Variants in DENND1B observed in about 807,000 individuals in gnomAD.
The protein encoded by DENND1B is DENN domain-containing protein 1B.
A neutral mutation model predicts 90.1 loss-of-function variants in DENND1B; 59 were observed. The ratio of observed to expected loss-of-function variants is 0.65; its 90% confidence interval spans 0.53 to 0.81. The LOEUF (loss-of-function observed/expected upper bound fraction) is 0.81, where lower values mean the gene tolerates loss of function less well. Among genes scored for constraint, DENND1B ranks in the 40% least tolerant of loss-of-function variants. The probability of loss-of-function intolerance (pLI) is 0.00; values close to 1 mark genes in which losing one functional copy is unlikely to be tolerated. For missense variants in DENND1B, 862 were observed against 912.6 expected (o/e 0.94, Z 0.71); for synonymous variants, 337 against 324.6 (o/e 1.04, Z -0.41).
intron 2 of DENND1B, among the ~76,000 whole-genome samples, chr1:197,757,770 G>C (rs1654498272): frequency 6.6e-6 from 1 of 152,142 alleles, no homozygotes; most frequent in Admixed American, 6.5e-5. Context: ...TACCAAGATA[G>C]CCTTGAATTT....
At chr1:197,582,009 C>T (rs1268360487) in intron 15 of DENND1B, among the ~76,000 whole-genome samples, 1 of 152,140 alleles carries the variant, frequency 6.6e-6, no homozygotes, top group Non-Finnish European at 1.5e-5. Flanking sequence ...TGAGTCTATG[C>T]TTGGAGACCT....
chr1:197,732,912 A>G (rs1394305268), intron 2 of DENND1B, among the ~76,000 whole-genome samples: 1 of 152,224 alleles, frequency 6.6e-6, no homozygotes, highest in Non-Finnish European at 1.5e-5. Context: ...GAGTTGTATA[A>G]TAACACTGCC....
chr1:197,736,838 G>C (rs182727230), intron 2 of DENND1B, among the ~76,000 whole-genome samples: 1 of 152,038 alleles, frequency 6.6e-6, no homozygotes, highest in South Asian at 2.1e-4. Context: ...TCAGATTTTT[G>C]TTATACCACT....
At chr1:197,625,356 T>C (rs987095063) in intron 10 of DENND1B, among the ~76,000 whole-genome samples, 1 of 152,116 alleles carries the variant, frequency 6.6e-6, no homozygotes, top group African/African-American at 2.4e-5. Flanking sequence ...TGGGGGCCAA[T>C]ATTCAACATT....
intron 5 of DENND1B, among the ~76,000 whole-genome samples, chr1:197,669,425 G>A (rs1383123105): frequency 2.0e-5 from 3 of 152,000 alleles, no homozygotes; most frequent in African/African-American, 4.8e-5. Context: ...CTTTCCAGGG[G>A]ATACACTGAT....
intron 5 of DENND1B, among the ~76,000 whole-genome samples, chr1:197,666,190 T>A (rs1187266531): frequency 1.3e-5 from 2 of 152,158 alleles, no homozygotes; most frequent in Admixed American, 1.3e-4. Flanking sequence ...AATGAACAAT[T>A]GTCAGATTAA....
At chr1:197,632,500 T>A (rs1026891526) in intron 10 of DENND1B, among the ~76,000 whole-genome samples, 1 of 152,180 alleles carries the variant, frequency 6.6e-6, no homozygotes, top group Admixed American at 6.5e-5. Context: ...TCTCCCATGT[T>A]AGAATTTTTA....
intron 2 of DENND1B, among the ~76,000 whole-genome samples, chr1:197,766,916 C>T (rs1343808464): frequency 6.6e-6 from 1 of 152,090 alleles, no homozygotes. Flanking sequence ...GCCTCAGCCT[C>T]TCAAGTAGTT....
chr1:197,536,350 T>C (rs1293013114), intron 20 of DENND1B, among the ~76,000 whole-genome samples: 3 of 152,202 alleles, frequency 2.0e-5, no homozygotes, highest in African/African-American at 4.8e-5. Flanking sequence ...TTTTATTTAA[T>C]TTGTGAGTTT....
intron 5 of DENND1B, among the ~76,000 whole-genome samples, chr1:197,661,390 T>C (rs567213070): frequency 1.3e-5 from 2 of 152,186 alleles, no homozygotes; most frequent in Non-Finnish European, 2.9e-5. Context: ...TCATTTGTAG[T>C]CATTTCAAAC....
At chr1:197,579,863 C>T (rs1386210419) in intron 15 of DENND1B, among the ~76,000 whole-genome samples, 1 of 152,066 alleles carries the variant, frequency 6.6e-6, no homozygotes. Flanking sequence ...TTATTTGCTA[C>T]CTTTTTGAAA....
At chr1:197,628,438 T>C (rs1678996550) in intron 10 of DENND1B, among the ~76,000 whole-genome samples, 1 of 152,188 alleles carries the variant, frequency 6.6e-6, no homozygotes, top group African/African-American at 2.4e-5. Flanking sequence ...CGATTCCCTA[T>C]TTAATAAATG....
intron 11 of DENND1B, among the ~76,000 whole-genome samples, chr1:197,613,669 C>G (rs139865103): frequency 5.0e-4 from 75 of 150,768 alleles, no homozygotes; most frequent in African/African-American, 1.8e-3. Context: ...ATATCACTAA[C>G]AAATCTAGGC....
intron 3 of DENND1B, among the ~76,000 whole-genome samples, chr1:197,697,084 CAA>C (rs778684569): frequency 4.1e-4 from 32 of 78,762 alleles, no homozygotes; most frequent in Admixed American, 6.9e-4. Flanking sequence ...AGAAATTCCA[CAA>C]AAAAAAAAAA....
In DENND1B at chr1:197,654,848, A is replaced by T. The variant is rs367934031; in HGVS notation, c.367-2533T>A. Among the ~76,000 whole-genome samples the T allele has an allele frequency of 3.9e-5, 6 of 152,156 alleles. 1 individual carries two copies. In the East Asian group the frequency reaches 7.7e-4, roughly 20 times the overall value. On this transcript the variant is annotated intron_variant, in intron 6 of 22. Coordinates refer to ENST00000620048, the MANE Select transcript of DENND1B (RefSeq NM_001195215.2). ...TTTTTATTCTTACAAGCTTATTTTC[A>T]AATATAGTCTGCATCCATGTTTAAC...
intron 10 of DENND1B, among the ~76,000 whole-genome samples, chr1:197,627,215 G>A (rs1678838730): frequency 6.6e-6 from 1 of 151,974 alleles, no homozygotes; most frequent in Non-Finnish European, 1.5e-5. Flanking sequence ...GCCGGGCAGA[G>A]ACACACCGAA....
intron 7 of DENND1B, among the ~76,000 whole-genome samples, chr1:197,650,491 T>G (rs948064311): frequency 4.6e-5 from 7 of 152,178 alleles, no homozygotes; most frequent in African/African-American, 1.2e-4. Context: ...AGAACTACCA[T>G]CTGATCTAGC....
rs1360788377 is a variant in DENND1B at position 197,612,487 on chromosome 1, C to T, written c.774-511G>A. Among the ~76,000 whole-genome samples, 3 of 150,504 alleles carry T rather than the reference C, an allele frequency of 2.0e-5. No individual in the cohort carries two copies. The Admixed American group carries it at 2.0e-4, about 10-fold the overall frequency. On this transcript the variant is annotated intron_variant, in intron 11 of 22. Coordinates refer to ENST00000620048, the MANE Select transcript of DENND1B (RefSeq NM_001195215.2). ...GATCAGAGGGTCAGTCTGCAAATAT[C>T]TATCAAGACTTATTGTTTGTCAGAC...
chr1:197,747,546 A>C (rs1157477433), intron 2 of DENND1B: 1 of 196,274 alleles, frequency 5.1e-6, no homozygotes, highest in African/African-American at 2.4e-5. Context: ...AATGTGACAC[A>C]GAAACACAAA....
Sources: allele counts gnomAD v4.1 joint callset (sites outside exome capture counted in the v4.1 genomes callset), GRCh38; gene constraint gnomAD v4.1.1; transcripts MANE v1.5; gene names NCBI Gene and HGNC (gene_info 2026-07-23, HGNC 2026-07-21).